Variants in ZNF469 observed in about 807,000 individuals in gnomAD.
The protein encoded by ZNF469 is zinc finger protein 469.
A neutral mutation model predicts 1.0 loss-of-function variants in ZNF469; 1 was observed. That is an observed-to-expected ratio of 1.00 (90% CI 0.35 to 4.73). The LOEUF (loss-of-function observed/expected upper bound fraction) is 4.73. Among genes scored for constraint, ZNF469 ranks in the 30% most tolerant of loss-of-function variants. The pLI, the probability that ZNF469 is intolerant of heterozygous loss-of-function variation, is 0.16. For missense variants in ZNF469, 6,100 were observed against 5,356.3 expected, an observed-to-expected ratio of 1.14 and a Z score of -4.33; for synonymous variants, 2,703 against 2,363.4, an observed-to-expected ratio of 1.14 and a Z score of -4.17.
At chr16:88,156,618 C>A in the ZNF469 span, among the ~76,000 whole-genome samples, 4 of 152,176 alleles carry the variant, frequency 2.6e-5, no homozygotes, top group Non-Finnish European at 5.9e-5. Flanking sequence ...ATTGCTATTA[C>A]AAGGGTTGAA....
chr16:88,209,095 C>G, the ZNF469 span, among the ~76,000 whole-genome samples: 1 of 152,060 alleles, frequency 6.6e-6, no homozygotes. Flanking sequence ...ATTAGAGTCA[C>G]CTGCCCCCTC....
intron 1 of ZNF469, among the ~76,000 whole-genome samples, chr16:88,402,838 G>C (rs970210332): frequency 6.6e-6 from 1 of 152,168 alleles, no homozygotes; most frequent in African/African-American, 2.4e-5. Flanking sequence ...CGGAAACCGA[G>C]ACAGGCCAGG....
the ZNF469 span, among the ~76,000 whole-genome samples, chr16:88,222,217 G>A: frequency 1.3e-5 from 2 of 152,208 alleles, no homozygotes; most frequent in African/African-American, 4.8e-5. Context: ...CTCCTCTTCA[G>A]CACTGGCTAC....
chr16:88,338,117 C>G, the ZNF469 span, among the ~76,000 whole-genome samples: 2 of 135,770 alleles, frequency 1.5e-5, no homozygotes, highest in African/African-American at 6.4e-5. Context: ...TCCCATGGCC[C>G]ATGGGCAAAC....
the ZNF469 span, among the ~76,000 whole-genome samples, chr16:88,161,506 T>A: frequency 6.6e-6 from 1 of 152,204 alleles, no homozygotes; most frequent in South Asian, 2.1e-4. Flanking sequence ...AAACTTCATC[T>A]CAGTCAGTGC....
the ZNF469 span, among the ~76,000 whole-genome samples, chr16:88,319,253 C>T: frequency 4.6e-5 from 7 of 152,100 alleles, no homozygotes; most frequent in African/African-American, 2.4e-5. Context: ...TGCAGGTGGC[C>T]GAGACCTGGA....
chr16:88,225,026 G>T, the ZNF469 span, among the ~76,000 whole-genome samples: 1 of 152,188 alleles, frequency 6.6e-6, no homozygotes, highest in African/African-American at 2.4e-5. Flanking sequence ...GGATGTGAGC[G>T]TGGGCTGCTC....
chr16:88,186,973 C>T, the ZNF469 span, among the ~76,000 whole-genome samples: 1 of 152,122 alleles, frequency 6.6e-6, no homozygotes, highest in Non-Finnish European at 1.5e-5. Context: ...AGACGGGCTC[C>T]AGGGAGGCAC....
chr16:88,324,704 G>T, the ZNF469 span, among the ~76,000 whole-genome samples: 1 of 152,224 alleles, frequency 6.6e-6, no homozygotes, highest in Admixed American at 6.5e-5. Flanking sequence ...TTAAGGGGAA[G>T]GTTATTCAGA....
intron 1 of ZNF469, among the ~76,000 whole-genome samples, chr16:88,402,111 A>T (rs866338472): frequency 2.7e-5 from 4 of 150,486 alleles, no homozygotes; most frequent in Non-Finnish European, 5.9e-5. Flanking sequence ...GGATGGATAC[A>T]TGGGTGGATG....
At chr16:88,224,741 A>C in the ZNF469 span, among the ~76,000 whole-genome samples, 170 of 151,720 alleles carry the variant, frequency 1.1e-3, 3 homozygotes, top group Non-Finnish European at 7.3e-5. Flanking sequence ...AAGTACGTAC[A>C]TATGTAAGTG....
the ZNF469 span, among the ~76,000 whole-genome samples, chr16:88,367,977 G>A: frequency 2.0e-5 from 3 of 152,128 alleles, no homozygotes; most frequent in Admixed American, 1.3e-4. Flanking sequence ...GCCCGCAGAC[G>A]AAAGCACGCC....
the ZNF469 span, among the ~76,000 whole-genome samples, chr16:88,138,932 C>G: frequency 6.6e-6 from 1 of 152,328 alleles, no homozygotes; most frequent in East Asian, 1.9e-4. Context: ...ATTCGGCTGC[C>G]TGGAAAATGC....
Position 88,428,728 on chromosome 16 carries a change from C to T in ZNF469, c.1258C>T (p.Pro420Ser). ...CAGAGCCAGTGGGGTGGACACCAGC[C>T]CGGGGCCTCCGGACACCGAGCTGGC... The part of the protein sequence containing the change: ...AYRASGVDTS[P>S]GPPDTELAAP... Residue 420 changes from proline to serine, a missense_variant, in exon 3 of 3, where the codon CCG (proline) becomes TCG (serine). Physicochemically the swap from Pro to Ser is moderately conservative, Grantham distance 74. Transcript: ENST00000565624. 2 of 1,547,542 alleles carry T rather than the reference C, an allele frequency of 1.3e-6. No homozygotes were observed. Among genetic ancestry groups the T allele is most frequent in the Non-Finnish European group, 1.7e-6 (2 of 1,146,682 alleles).
At position 88,436,901 on chromosome 16, in the gene ZNF469, C is replaced by T. The variant is rs559258806; in HGVS notation, c.9431C>T (p.Thr3144Ile). The change falls in exon 3 of 3, where the codon ACC (threonine) becomes ATC (isoleucine). Residue 3144 changes from threonine (T) to isoleucine (I), a missense_variant. Transcript: ENST00000565624. ...KLAHTPAPPP[T>I]CYMCVERRFG... ...GCCCACACGCCCGCGCCGCCGCCCA[C>T]CTGCTACATGTGCGTGGAGCGCAGG... 2.3e-5 allele frequency: 34 copies of T among 1,503,336 alleles called. No individual in the cohort carries two copies. In the African/African-American group the frequency reaches 3.3e-4, roughly 15 times the overall value. The allele number at this position is 1,503,336 out of a possible 1,614,324, so 93.1% of individuals were successfully genotyped here.
At position 88,438,658 on chromosome 16, in the gene ZNF469, C is replaced by T. The variant is rs756967408; in HGVS notation, c.11188C>T (p.Pro3730Ser). The change falls in exon 3 of 3, where the codon CCC becomes TCC. Residue 3730 changes from proline to serine, a missense_variant. Transcript: ENST00000565624. ...CGCCACCCCCAAAGCCAAACCCGGC[C>T]CCAGCTCCCAGGGCAGTGGAAGCCC... ...KPATPKAKPG[P>S]SSQGSGSPRP... 2 of 1,550,094 alleles carry T rather than the reference C, an allele frequency of 1.3e-6. No individual in the cohort carries two copies. The highest frequency in any genetic ancestry group is 2.4e-5 in the South Asian group (2 of 84,058).
the ZNF469 span, among the ~76,000 whole-genome samples, chr16:88,157,693 C>T: frequency 9.1e-4 from 138 of 152,298 alleles, 2 homozygotes; most frequent in South Asian, 0.026. Flanking sequence ...TGAAGAAATG[C>T]CCAGCTCCCC....
chr16:88,273,903 C>G, the ZNF469 span, among the ~76,000 whole-genome samples: 1 of 150,076 alleles, frequency 6.7e-6, no homozygotes, highest in South Asian at 2.1e-4. Context: ...CTCCCGGGTT[C>G]ACGCCATTCT....
the ZNF469 span, among the ~76,000 whole-genome samples, chr16:88,326,917 C>T: frequency 2.2e-3 from 342 of 152,290 alleles, 1 homozygote; most frequent in African/African-American, 7.7e-3. Context: ...GGCCCAGGAG[C>T]AGCACCCCCA....
Sources: allele counts gnomAD v4.1 joint callset (sites outside exome capture counted in the v4.1 genomes callset), GRCh38; gene constraint gnomAD v4.1.1; transcripts MANE v1.5; gene names NCBI Gene and HGNC (gene_info 2026-07-23, HGNC 2026-07-21).